Variants in CNTN4 observed in about 807,000 individuals in gnomAD.
The protein encoded by CNTN4 is contactin 4, also known as contactin-4.
CNTN4 carries 77 observed loss-of-function variants against 122.5 expected under a neutral mutation model. That is an observed-to-expected ratio of 0.63 (90% CI 0.52 to 0.76). The LOEUF (loss-of-function observed/expected upper bound fraction) is 0.76, where lower values mean the gene tolerates loss of function less well. Among genes scored for constraint, CNTN4 ranks in the 30% least tolerant of loss-of-function variants. CNTN4 has a pLI of 0.00. For missense variants in CNTN4, 1,256 were observed against 1,259.1 expected (o/e 1.00, Z 0.04); for synonymous variants, 512 against 447.0 (o/e 1.15, Z -1.83).
chr3:2,748,214 G>A (rs2089900578), intron 6 of CNTN4, among the ~76,000 whole-genome samples: 1 of 152,248 alleles, frequency 6.6e-6, no homozygotes, highest in East Asian at 1.9e-4. Flanking sequence ...TCATTTTTAA[G>A]TACCAGCCCC....
chr3:2,341,294 G>A (rs1575415660), intron 3 of CNTN4, among the ~76,000 whole-genome samples: 2 of 152,262 alleles, frequency 1.3e-5, no homozygotes, highest in East Asian at 3.9e-4. Context: ...GCCAACATCA[G>A]TGTAAACAAT....
rs557915744 is a variant in CNTN4 at position 2,148,702 on chromosome 3, C to T, written c.-145+48063C>T. ...AATGGACTTAATAATTATCAGATGA[C>T]GAAATTAAATGAGTCGGTGAATGTT... On this transcript the variant is annotated intron_variant, in intron 2 of 24. Transcript: ENST00000418658. 1.2e-4 allele frequency among the ~76,000 whole-genome samples: 18 copies of T among 152,064 alleles called. No homozygotes were observed. The South Asian group carries it at 1.7e-3, about 14-fold the overall frequency.
intron 3 of CNTN4, among the ~76,000 whole-genome samples, chr3:2,557,482 C>T (rs999973803): frequency 2.0e-5 from 3 of 152,152 alleles, no homozygotes; most frequent in Non-Finnish European, 2.9e-5. Flanking sequence ...AATCCCAGCA[C>T]TTTGGGAGGC....
intron 6 of CNTN4, among the ~76,000 whole-genome samples, chr3:2,812,469 T>A (rs369065850): frequency 6.6e-6 from 1 of 152,196 alleles, no homozygotes; most frequent in African/African-American, 2.4e-5. Flanking sequence ...GGATAAGATA[T>A]CTGATTCACT....
At chr3:2,773,779 G>C (rs538045256) in intron 6 of CNTN4, among the ~76,000 whole-genome samples, 1 of 19,286 alleles carries the variant, frequency 5.2e-5, no homozygotes, top group African/African-American at 1.6e-4. Flanking sequence ...TTTTTTTTTT[G>C]AGACGGAGTC....
At chr3:2,887,291 T>G (rs1185553003) in intron 10 of CNTN4, 67 bp downstream of exon 10, 24 of 1,459,690 alleles carry the variant, frequency 1.6e-5, no homozygotes, top group Non-Finnish European at 2.3e-5. Flanking sequence ...AATCATAAGC[T>G]GAGAGGCATT....
chr3:2,671,796 T>G (rs1179309049), intron 4 of CNTN4, among the ~76,000 whole-genome samples: 1 of 152,238 alleles, frequency 6.6e-6, no homozygotes, highest in African/African-American at 2.4e-5. Flanking sequence ...TCCTTTCTGT[T>G]TGTTAGTTTT....
At chr3:2,486,232 A>G (rs2076157989) in intron 3 of CNTN4, among the ~76,000 whole-genome samples, 1 of 152,162 alleles carries the variant, frequency 6.6e-6, no homozygotes, top group Non-Finnish European at 1.5e-5. Context: ...CTCGGAACAC[A>G]GCTGAACATC....
At chr3:2,944,743 C>A (rs912899493) in intron 13 of CNTN4, among the ~76,000 whole-genome samples, 2 of 152,182 alleles carry the variant, frequency 1.3e-5, no homozygotes, top group Non-Finnish European at 2.9e-5. Flanking sequence ...CTGCTACTGC[C>A]TTAGATTGCG....
At chr3:3,010,106 C>T (rs1574811520) in intron 14 of CNTN4, among the ~76,000 whole-genome samples, 1 of 152,136 alleles carries the variant, frequency 6.6e-6, no homozygotes, top group East Asian at 1.9e-4. Context: ...CTCAGTTCAA[C>T]CTGGTGTCCT....
chr3:2,186,893 G>T (rs1387300432), intron 2 of CNTN4, among the ~76,000 whole-genome samples: 1 of 152,124 alleles, frequency 6.6e-6, no homozygotes, highest in Non-Finnish European at 1.5e-5. Flanking sequence ...TCACTCTGAT[G>T]GTGATTTCTT....
chr3:2,919,208 C>G (rs984059751), intron 12 of CNTN4, among the ~76,000 whole-genome samples: 3 of 138,808 alleles, frequency 2.2e-5, no homozygotes, highest in Admixed American at 2.1e-4. Flanking sequence ...AAAAAATTGC[C>G]AGGTGTGGTG....
intron 4 of CNTN4, among the ~76,000 whole-genome samples, chr3:2,576,390 A>G (rs369316999): frequency 2.3e-4 from 35 of 152,280 alleles, no homozygotes; most frequent in South Asian, 1.2e-3. Flanking sequence ...TACCAACTCT[A>G]TGGACTAGCA....
chr3:2,810,270 T>G (rs1293126034), intron 6 of CNTN4, among the ~76,000 whole-genome samples: 5 of 152,158 alleles, frequency 3.3e-5, no homozygotes, highest in African/African-American at 1.2e-4. Context: ...ATTGAGAAAT[T>G]GTGTCATTTA....
In CNTN4 at chr3:2,955,657, C is replaced by G. The variant is rs527348194; in HGVS notation, c.1358+29878C>G. On this transcript the variant is annotated intron_variant, in intron 13 of 24. Transcript: ENST00000418658. ...GCTGGGATTAATTTAAGCCTGGGCC[C>G]TGTGCTTCATGCCAACATTTAGTAG... Among the ~76,000 whole-genome samples, 71 of 152,284 alleles carry G rather than the reference C, an allele frequency of 4.7e-4. 2 individuals are homozygous for G. Among genetic ancestry groups the G allele is most frequent in the Admixed American group, 2.0e-3 (30 of 15,292 alleles).
At chr3:2,186,252 A>G (rs1233238890) in intron 2 of CNTN4, among the ~76,000 whole-genome samples, 1 of 151,666 alleles carries the variant, frequency 6.6e-6, no homozygotes, top group African/African-American at 2.4e-5. Flanking sequence ...CCTACAAAGG[A>G]CATGAACTCA....
At chr3:2,114,312 C>G (rs2033184570) in intron 2 of CNTN4, among the ~76,000 whole-genome samples, 2 of 151,798 alleles carry the variant, frequency 1.3e-5, no homozygotes, top group South Asian at 4.2e-4. Flanking sequence ...AATACAAAAA[C>G]TAGCTGGCGT....
chr3:2,753,207 C>A (rs2090174964), intron 6 of CNTN4, among the ~76,000 whole-genome samples: 1 of 152,102 alleles, frequency 6.6e-6, no homozygotes, highest in Non-Finnish European at 1.5e-5. Flanking sequence ...AGAGCACAAG[C>A]CCTGGAGTCA....
At chr3:2,820,231 C>T (rs1221763311) in intron 7 of CNTN4, among the ~76,000 whole-genome samples, 1 of 152,208 alleles carries the variant, frequency 6.6e-6, no homozygotes, top group Non-Finnish European at 1.5e-5. Flanking sequence ...CCATAACTCC[C>T]TCCTTGGCTT....
Sources: allele counts gnomAD v4.1 joint callset (sites outside exome capture counted in the v4.1 genomes callset), GRCh38; gene constraint gnomAD v4.1.1; transcripts MANE v1.5; gene names NCBI Gene and HGNC (gene_info 2026-07-23, HGNC 2026-07-21).